The following CTNNA3 variants were observed in gnomAD, a reference collection of about 807,000 sequenced individuals.
CTNNA3 encodes catenin alpha-3.
CTNNA3 carries 76 observed loss-of-function variants against 95.7 expected under a neutral mutation model. The observed-to-expected ratio is 0.79, with a 90% confidence interval of 0.66 to 0.96. The LOEUF is 0.96. CTNNA3 is among the 40% of genes least tolerant of loss of function. CTNNA3 has a pLI of 0.00. For synonymous variants in CTNNA3, 431 were observed against 374.4 expected (o/e 1.15, Z -1.74); for missense variants, 1,191 against 1,089.8 (o/e 1.09, Z -1.31).
chr10:66,430,482 T>A (rs1300164174), intron 11 of CTNNA3, among the ~76,000 whole-genome samples: 1 of 152,072 alleles, frequency 6.6e-6, no homozygotes, highest in Non-Finnish European at 1.5e-5. Context: ...TGGAGGCATC[T>A]TGCTACCTGA....
chr10:67,229,770 G>A (rs188875456), intron 5 of CTNNA3, among the ~76,000 whole-genome samples: 1 of 152,062 alleles, frequency 6.6e-6, no homozygotes, highest in Admixed American at 6.6e-5. Context: ...CCTAACAAAG[G>A]AGTCGAAAGA....
intron 9 of CTNNA3, among the ~76,000 whole-genome samples, chr10:66,719,632 G>A (rs1479685275): frequency 2.0e-5 from 3 of 152,086 alleles, no homozygotes; most frequent in Non-Finnish European, 4.4e-5. Context: ...CCAGAAGCAC[G>A]ATCATCTCAG....
intron 5 of CTNNA3, among the ~76,000 whole-genome samples, chr10:67,299,965 C>A (rs539930664): frequency 1.3e-5 from 2 of 152,286 alleles, no homozygotes; most frequent in East Asian, 1.9e-4. Flanking sequence ...AGAACTACAT[C>A]ATCAGTTAGC....
chr10:67,410,327 G>A (rs1845315600), intron 5 of CTNNA3, among the ~76,000 whole-genome samples: 1 of 152,000 alleles, frequency 6.6e-6, no homozygotes, highest in Non-Finnish European at 1.5e-5. Context: ...CACATGGGGG[G>A]AACAACACAC....
chr10:65,990,110 C>CA (rs1187721204), intron 15 of CTNNA3, among the ~76,000 whole-genome samples: 6 of 147,786 alleles, frequency 4.1e-5, no homozygotes, highest in East Asian at 2.0e-4. Flanking sequence ...CACACACACA[C>CA]CACATTTTAT....
chr10:67,560,353 AT>A (rs1483371875), intron 3 of CTNNA3, among the ~76,000 whole-genome samples: 1 of 151,834 alleles, frequency 6.6e-6, no homozygotes, highest in African/African-American at 2.4e-5. Flanking sequence ...AAAGAAAAGA[AT>A]TTTCAACCCA....
Position 66,195,501 on chromosome 10 carries a change from C to T in CTNNA3, c.1884+84969G>A, listed in dbSNP as rs552493938. Among the ~76,000 whole-genome samples, 15 of 152,100 alleles carry T rather than the reference C, an allele frequency of 9.9e-5. No individual in the cohort carries two copies. The South Asian group carries it at 1.5e-3, about 15-fold the overall frequency. ...TATGATCAAATAGTTTTTGGAGATA[C>T]ATACATAATAGCCCTGTCTCAGTTA... On this transcript the variant is annotated intron_variant, in intron 13 of 17. Transcript: ENST00000433211.
intron 5 of CTNNA3, among the ~76,000 whole-genome samples, chr10:67,254,905 A>G (rs1394615417): frequency 6.6e-6 from 1 of 152,226 alleles, no homozygotes; most frequent in African/African-American, 2.4e-5. Context: ...AAGTATCTAC[A>G]TTGGTAAATG....
intron 1 of CTNNA3, among the ~76,000 whole-genome samples, chr10:67,707,667 T>C (rs1224071482): frequency 6.6e-6 from 1 of 152,120 alleles, no homozygotes; most frequent in African/African-American, 2.4e-5. Context: ...GTATGGCATA[T>C]GCAAATTAAG....
intron 5 of CTNNA3, among the ~76,000 whole-genome samples, chr10:67,484,106 G>A (rs969854478): frequency 6.6e-6 from 1 of 152,098 alleles, no homozygotes; most frequent in African/African-American, 2.4e-5. Context: ...AACCAAAAGG[G>A]CATGGTATTT....
At chr10:67,266,258 A>T (rs1468982450) in intron 5 of CTNNA3, among the ~76,000 whole-genome samples, 1 of 152,136 alleles carries the variant, frequency 6.6e-6, no homozygotes, top group African/African-American at 2.4e-5. Flanking sequence ...CTTACACTTC[A>T]TCTTATGCAT....
intron 7 of CTNNA3, among the ~76,000 whole-genome samples, chr10:67,135,149 A>C (rs1275125048): frequency 6.6e-6 from 1 of 152,040 alleles, no homozygotes; most frequent in African/African-American, 2.4e-5. Context: ...CAGAGAATGA[A>C]ATAGTATAAT....
At chr10:67,455,251 A>G (rs1178556185) in intron 5 of CTNNA3, among the ~76,000 whole-genome samples, 1 of 152,194 alleles carries the variant, frequency 6.6e-6, no homozygotes, top group Non-Finnish European at 1.5e-5. Flanking sequence ...TTTTTAAAAT[A>G]GGCATGCCTT....
chr10:66,441,938 G>A (rs772404967), intron 11 of CTNNA3, among the ~76,000 whole-genome samples: 1 of 152,132 alleles, frequency 6.6e-6, no homozygotes. Context: ...AACTCTTGCA[G>A]AAAAAGAATT....
intron 17 of CTNNA3, among the ~76,000 whole-genome samples, chr10:65,929,449 A>G (rs768237776): frequency 8.5e-5 from 13 of 152,230 alleles, no homozygotes; most frequent in Admixed American, 2.0e-4. Flanking sequence ...TCCTTTCAGC[A>G]TAATTACAAT....
intron 5 of CTNNA3, among the ~76,000 whole-genome samples, chr10:67,416,819 A>T (rs2132855166): frequency 6.6e-6 from 1 of 152,288 alleles, no homozygotes; most frequent in East Asian, 1.9e-4. Flanking sequence ...GGCTGCAGAG[A>T]AAAGGAAATG....
chr10:66,611,963 G>C (rs1421492386), intron 10 of CTNNA3, among the ~76,000 whole-genome samples: 1 of 151,996 alleles, frequency 6.6e-6, no homozygotes, highest in African/African-American at 2.4e-5. Context: ...TCAAGTTCTT[G>C]TAGTTTTATT....
At chr10:67,346,183 C>T (rs1589194228) in intron 5 of CTNNA3, among the ~76,000 whole-genome samples, 1 of 152,074 alleles carries the variant, frequency 6.6e-6, no homozygotes, top group South Asian at 2.1e-4. Context: ...CCTTATTGTA[C>T]TATCTAGGTC....
In CTNNA3 at chr10:66,904,448, T is replaced by C. The variant is rs377399235; in HGVS notation, c.1048-128924A>G. On this transcript the variant is annotated intron_variant, in intron 7 of 17. Transcript: ENST00000433211. ...AACCCAGGCAATACCATTCAGGACA[T>C]AGGCATGGGCAAAGACTTCATGACT... 5.3e-5 allele frequency among the ~76,000 whole-genome samples: 8 copies of C among 152,218 alleles called. 1 individual carries two copies. The highest frequency in any genetic ancestry group is 4.6e-4 in the Admixed American group (7 of 15,286).
Sources: gnomAD v4.1 joint callset for allele counts (sites outside exome capture counted in the v4.1 genomes callset) on GRCh38, gnomAD v4.1.1 for gene constraint, MANE v1.5 for transcripts, NCBI Gene and HGNC (gene_info 2026-07-23, HGNC 2026-07-21) for gene names.